AGBL4: variants seen among roughly 807,000 people sequenced by gnomAD.
The protein encoded by AGBL4 is AGBL carboxypeptidase 4.
AGBL4 carries 58 observed loss-of-function variants against 66.4 expected under a neutral mutation model. That is an observed-to-expected ratio of 0.87 (90% CI 0.71 to 1.09). AGBL4 has a LOEUF of 1.09. AGBL4 is among the 50% of genes least tolerant of loss of function. The pLI is 0.00. For synonymous variants in AGBL4, 234 were observed against 222.9 expected (o/e 1.05, Z -0.44); for missense variants, 579 against 631.0 (o/e 0.92, Z 0.88).
At chr1:49,627,039 A>G (rs1411715934) in intron 3 of AGBL4, among the ~76,000 whole-genome samples, 1 of 152,122 alleles carries the variant, frequency 6.6e-6, no homozygotes, top group Non-Finnish European at 1.5e-5. Flanking sequence ...GCTGTTGCTC[A>G]TGGACCACAG....
intron 3 of AGBL4, among the ~76,000 whole-genome samples, chr1:49,279,304 A>C (rs1318536953): frequency 6.6e-6 from 1 of 152,168 alleles, no homozygotes; most frequent in Non-Finnish European, 1.5e-5. Context: ...GAGTTAAATT[A>C]CTCCAAGGAT....
At chr1:49,357,348 C>T (rs748160167) in intron 3 of AGBL4, among the ~76,000 whole-genome samples, 5 of 152,094 alleles carry the variant, frequency 3.3e-5, no homozygotes, top group African/African-American at 7.2e-5. Flanking sequence ...TCTGTACATA[C>T]GGAGATGAAT....
intron 11 of AGBL4, among the ~76,000 whole-genome samples, chr1:48,565,176 T>C (rs1204302373): frequency 6.6e-6 from 1 of 152,168 alleles, no homozygotes; most frequent in Admixed American, 6.5e-5. Context: ...GGTAAGGCAA[T>C]GGTTACAGAT....
chr1:49,700,610 G>T (rs769790117), intron 2 of AGBL4, among the ~76,000 whole-genome samples: 1 of 151,886 alleles, frequency 6.6e-6, no homozygotes, highest in African/African-American at 2.4e-5. Context: ...TCATATGCTC[G>T]TCCATAAAGC....
chr1:49,274,373 C>A (rs1018124319), intron 3 of AGBL4, among the ~76,000 whole-genome samples: 6 of 151,932 alleles, frequency 3.9e-5, no homozygotes, highest in African/African-American at 1.4e-4. Context: ...TGATATTTAA[C>A]TTTTTTTGAG....
intron 4 of AGBL4, among the ~76,000 whole-genome samples, chr1:49,147,382 C>T (rs1384394682): frequency 1.3e-5 from 2 of 152,056 alleles, no homozygotes; most frequent in Non-Finnish European, 2.9e-5. Context: ...ATGTGTGTGC[C>T]CAATTTCACA....
At chr1:48,655,111 T>C (rs1215027659) in intron 7 of AGBL4, among the ~76,000 whole-genome samples, 2 of 152,092 alleles carry the variant, frequency 1.3e-5, no homozygotes, top group East Asian at 3.9e-4. Context: ...AGCAGATTAA[T>C]TGGGCTGCCA....
chr1:49,566,830 A>T (rs1309230395), intron 3 of AGBL4, among the ~76,000 whole-genome samples: 1 of 152,174 alleles, frequency 6.6e-6, no homozygotes, highest in Admixed American at 6.5e-5. Flanking sequence ...AAGCTGTCAG[A>T]CAGGGACATT....
intron 4 of AGBL4, among the ~76,000 whole-genome samples, chr1:49,152,005 A>C (rs891037890): frequency 5.3e-5 from 8 of 152,328 alleles, no homozygotes; most frequent in African/African-American, 1.9e-4. Context: ...TAAAAAAAAA[A>C]ACATAAAATG....
At chr1:49,149,207 G>A (rs1646279034) in intron 4 of AGBL4, among the ~76,000 whole-genome samples, 1 of 152,202 alleles carries the variant, frequency 6.6e-6, no homozygotes, top group South Asian at 2.1e-4. Context: ...GTGCTAAGAT[G>A]TTCTCCAGAA....
rs529668448 is a variant in AGBL4 at position 49,708,628 on chromosome 1, G to A, written c.158-11191C>T. On this transcript the variant is annotated intron_variant, in intron 2 of 13. Coordinates refer to ENST00000371839, the MANE Select transcript of AGBL4 (RefSeq NM_032785.4). ...GGAGTTGTGATCCTTTGGAGGAGAG[G>A]AGACATTCAGTTTTTTGAATTTTCA... is the stretch of plus-strand genomic sequence containing the variant. Among the ~76,000 whole-genome samples the A allele has an allele frequency of 3.3e-5, 5 of 152,204 alleles. No individual in the cohort carries two copies. The South Asian group carries it at 8.3e-4, about 25-fold the overall frequency.
intron 6 of AGBL4, among the ~76,000 whole-genome samples, chr1:48,743,855 C>A (rs1650313404): frequency 6.6e-6 from 1 of 152,212 alleles, no homozygotes; most frequent in Admixed American, 6.5e-5. Flanking sequence ...GAATTTGTTA[C>A]TAAAATTCTT....
intron 3 of AGBL4, among the ~76,000 whole-genome samples, chr1:49,246,914 G>A (rs1436271107): frequency 6.6e-6 from 1 of 151,980 alleles, no homozygotes; most frequent in Non-Finnish European, 1.5e-5. Flanking sequence ...TTTACTGCGT[G>A]AGGTATTATA....
intron 3 of AGBL4, among the ~76,000 whole-genome samples, chr1:49,462,473 T>TG (rs1181733823): frequency 1.3e-5 from 2 of 151,678 alleles, no homozygotes; most frequent in African/African-American, 4.8e-5. Flanking sequence ...AGTGACTAAA[T>TG]GACTGTTGGT....
At chr1:49,182,920 C>A (rs1181204850) in intron 4 of AGBL4, among the ~76,000 whole-genome samples, 2 of 152,094 alleles carry the variant, frequency 1.3e-5, no homozygotes, top group African/African-American at 4.8e-5. Context: ...ATTTTTCACA[C>A]TTTGGGGTTT....
chr1:49,603,543 T>C (rs930318102), intron 3 of AGBL4, among the ~76,000 whole-genome samples: 2 of 140,306 alleles, frequency 1.4e-5, no homozygotes, highest in East Asian at 4.0e-4. Flanking sequence ...AATAAATAAA[T>C]AAATAAATAA....
chr1:49,608,318 T>G (rs1645096640), intron 3 of AGBL4, among the ~76,000 whole-genome samples: 1 of 152,194 alleles, frequency 6.6e-6, no homozygotes, highest in African/African-American at 2.4e-5. Context: ...TCTGAATTTT[T>G]TGTTTTACTT....
At position 49,971,912 on chromosome 1, in the gene AGBL4, T is replaced by G. The variant is rs1196658672; in HGVS notation, c.34+51851A>C. ...CAAGTGCAGGGTTTTTTTGGGTTTTTTTTTTTTTTTTTTTTTTTTTGCAGG... is the reference window on the plus strand; with the variant it reads ...CAAGTGCAGGGTTTTTTTGGGTTTTGTTTTTTTTTTTTTTTTTTTTGCAGG... On this transcript the variant is annotated intron_variant, in intron 1 of 13. Coordinates refer to ENST00000371839, the MANE Select transcript of AGBL4 (RefSeq NM_032785.4). 4.0e-4 allele frequency among the ~76,000 whole-genome samples: 35 copies of G among 86,820 alleles called. 1 individual carries two copies. The highest frequency in any genetic ancestry group is 1.0e-3 in the South Asian group (2 of 1,972). 57.0% of individuals were successfully genotyped at this position (86,820 alleles called of 152,430 possible).
At chr1:49,696,589 T>C (rs1646989807) in intron 3 of AGBL4, among the ~76,000 whole-genome samples, 11 of 152,236 alleles carry the variant, frequency 7.2e-5, no homozygotes, top group Admixed American at 6.6e-4. Flanking sequence ...ATACAAGATG[T>C]ATATGAAATA....
Sources: allele counts gnomAD v4.1 joint callset (sites outside exome capture counted in the v4.1 genomes callset), GRCh38; gene constraint gnomAD v4.1.1; transcripts MANE v1.5; gene names NCBI Gene and HGNC (gene_info 2026-07-23, HGNC 2026-07-21).